ZNF583: variants seen among roughly 807,000 people sequenced by gnomAD.
ZNF583 encodes the protein zinc finger protein L3-5.
In ZNF583, 30 loss-of-function variants were observed where a neutral mutation model predicts 55.3. That is an observed-to-expected ratio of 0.54 (90% CI 0.41 to 0.74). ZNF583 has a LOEUF of 0.74. ZNF583 is among the 30% of genes least tolerant of loss of function. ZNF583 has a pLI of 0.00. For synonymous variants in ZNF583, 208 were observed against 220.0 expected (o/e 0.95, Z 0.48); for missense variants, 504 against 664.7 (o/e 0.76, Z 2.66).
intron 1 of ZNF583, among the ~76,000 whole-genome samples, chr19:56,406,788 A>G (rs968406303): frequency 6.6e-6 from 1 of 152,066 alleles, no homozygotes; most frequent in Non-Finnish European, 1.5e-5. Context: ...CGGCCTCCCA[A>G]AGTGCTGGGA....
chr19:56,412,249 A>G (rs1490613736), intron 2 of ZNF583, among the ~76,000 whole-genome samples: 1 of 152,246 alleles, frequency 6.6e-6, no homozygotes, highest in Non-Finnish European at 1.5e-5. Flanking sequence ...CCAGCTTAAG[A>G]GCAGGCTCTG....
At chr19:56,408,578 G>A (rs1047374894) in intron 2 of ZNF583, among the ~76,000 whole-genome samples, 5 of 152,280 alleles carry the variant, frequency 3.3e-5, no homozygotes, top group African/African-American at 1.2e-4. Flanking sequence ...TACAGATGAA[G>A]AAAAAGAGGC....
intron 4 of ZNF583, among the ~76,000 whole-genome samples, chr19:56,415,861 C>T (rs993800444): frequency 2.0e-5 from 3 of 152,144 alleles, no homozygotes; most frequent in Non-Finnish European, 4.4e-5. Flanking sequence ...CCACTGCCCC[C>T]AGCCTGTCTT....
intron 2 of ZNF583, among the ~76,000 whole-genome samples, chr19:56,409,945 T>C (rs1437533870): frequency 1.3e-5 from 2 of 152,152 alleles, no homozygotes; most frequent in Non-Finnish European, 2.9e-5. Context: ...TTTTAGTGGC[T>C]TTTCTAAGAT....
intron 2 of ZNF583, among the ~76,000 whole-genome samples, chr19:56,408,016 AT>A (rs2042180511): frequency 6.6e-6 from 1 of 152,184 alleles, no homozygotes; most frequent in Admixed American, 6.6e-5. Flanking sequence ...ATAAATAAAA[AT>A]AAACACCTTG....
chr19:56,414,335 T>C lies in ZNF583; in HGVS notation c.137-10T>C, dbSNP rs1425661934. ...ACCTGCCTAATTCCCCTTTTGTTTT[T>C]TGTAAGCAGGAGTTTCTGTTTCTAA... On this transcript the variant is annotated splice_polypyrimidine_tract_variant and intron_variant, in intron 3 of 4. Coordinates refer to ENST00000333201, the MANE Select transcript of ZNF583 (RefSeq NM_152478.3). The C allele has an allele frequency of 6.2e-7, 1 of 1,613,922 alleles. No homozygotes were observed. Among genetic ancestry groups the C allele is most frequent in the East Asian group, 2.2e-5 (1 of 44,890 alleles).
Position 56,407,089 on chromosome 19 carries a change from T to C in ZNF583, c.-26T>C. 2 of 1,614,104 alleles carry C rather than the reference T, an allele frequency of 1.2e-6. No individual in the cohort carries two copies. The highest frequency in any genetic ancestry group is 1.7e-5 in the Admixed American group (1 of 60,026). ...AGCTGAAGGAGTAGGACAGAAGAAC[T>C]GTCAAATTCTGGAATCCTTAAAGCC... On this transcript the variant is annotated 5_prime_UTR_variant, in exon 2 of 5. Coordinates refer to ENST00000333201, the MANE Select transcript of ZNF583 (RefSeq NM_152478.3).
intron 4 of ZNF583, among the ~76,000 whole-genome samples, chr19:56,416,237 A>C (rs1417196308): frequency 2.0e-5 from 3 of 151,272 alleles, no homozygotes; most frequent in African/African-American, 7.3e-5. Flanking sequence ...GAGGCAGAGA[A>C]TCACTTGAAC....
chr19:56,409,546 G>A (rs1329520307), intron 2 of ZNF583, among the ~76,000 whole-genome samples: 5 of 152,072 alleles, frequency 3.3e-5, no homozygotes, highest in Non-Finnish European at 5.9e-5. Flanking sequence ...ATTTTGCCCA[G>A]GCTGGTTTTG....
At chr19:56,407,715 C>G (rs2042176850) in intron 2 of ZNF583, among the ~76,000 whole-genome samples, 1 of 152,024 alleles carries the variant, frequency 6.6e-6, no homozygotes, top group Non-Finnish European at 1.5e-5. Flanking sequence ...TCTGAGTGTC[C>G]ACAGCTATGT....
intron 4 of ZNF583, among the ~76,000 whole-genome samples, chr19:56,420,292 C>T (rs188113064): frequency 2.0e-3 from 310 of 152,254 alleles, no homozygotes; most frequent in African/African-American, 6.1e-3. Context: ...AGAGCATACT[C>T]ATCTTGGTTT....
In ZNF583 at chr19:56,425,549, T is replaced by A. The variant is rs1194673710; in HGVS notation, c.*1181T>A. 1 of 152,146 alleles carries A rather than the reference T, an allele frequency of 6.6e-6. No homozygotes were observed. The highest frequency in any genetic ancestry group is 1.5e-5 in the Non-Finnish European group (1 of 68,036). The allele number at this position is 152,146 out of a possible 1,614,324, so 9.4% of individuals were successfully genotyped here. On this transcript the variant is annotated 3_prime_UTR_variant, in exon 5 of 5. Transcript: ENST00000333201. Reference sequence around the variant, plus strand: ...TAATAAGACAGTTTACTGAGATGTATTCATCATTTACATGTAAACAAAGGC... The same window carrying A: ...TAATAAGACAGTTTACTGAGATGTAATCATCATTTACATGTAAACAAAGGC...
chr19:56,406,757 G>A (rs1280156571), intron 1 of ZNF583, among the ~76,000 whole-genome samples: 1 of 152,104 alleles, frequency 6.6e-6, no homozygotes, highest in African/African-American at 2.4e-5. Flanking sequence ...TCGATCTCCT[G>A]ACTTCGTGAT....
rs141489202 is a variant in ZNF583 at position 56,417,869 on chromosome 19, G to C, written c.232+3429G>C. On this transcript the variant is annotated intron_variant, in intron 4 of 4. Coordinates refer to ENST00000333201, the MANE Select transcript of ZNF583 (RefSeq NM_152478.3). Reference sequence around the variant, plus strand: ...ATTTTTTTTTCCATATGGATATACAGTTGCCCCAAGACCCTTTGTCAGGAA... The same window carrying C: ...ATTTTTTTTTCCATATGGATATACACTTGCCCCAAGACCCTTTGTCAGGAA... 3.7e-3 allele frequency among the ~76,000 whole-genome samples: 565 copies of C among 152,178 alleles called. 2 individuals are homozygous for C. The highest frequency in any genetic ancestry group is 6.0e-3 in the Non-Finnish European group (407 of 68,000).
At chr19:56,408,230 C>T (rs966768269) in intron 2 of ZNF583, among the ~76,000 whole-genome samples, 1 of 152,048 alleles carries the variant, frequency 6.6e-6, no homozygotes, top group African/African-American at 2.4e-5. Flanking sequence ...TATATACACA[C>T]ACACACCTCT....
At chr19:56,410,776 G>A (rs1441872404) in intron 2 of ZNF583, among the ~76,000 whole-genome samples, 2 of 152,094 alleles carry the variant, frequency 1.3e-5, no homozygotes, top group African/African-American at 4.8e-5. Context: ...TAGTAAATAA[G>A]ATAGGGCATA....
chr19:56,413,387 T>C (rs1318782631), intron 2 of ZNF583, among the ~76,000 whole-genome samples: 2 of 152,226 alleles, frequency 1.3e-5, no homozygotes, highest in Admixed American at 6.5e-5. Flanking sequence ...TTTTTGCAAG[T>C]CAGTATATAA....
intron 4 of ZNF583, among the ~76,000 whole-genome samples, chr19:56,416,183 AG>A (rs1370998035): frequency 6.6e-6 from 1 of 151,782 alleles, no homozygotes; most frequent in Non-Finnish European, 1.5e-5. Flanking sequence ...AAAATTAGCC[AG>A]GTGTGGTGGC....
At chr19:56,405,291 T>C (rs766775281) in intron 1 of ZNF583, among the ~76,000 whole-genome samples, 1 of 152,182 alleles carries the variant, frequency 6.6e-6, no homozygotes, top group Non-Finnish European at 1.5e-5. Flanking sequence ...CTGTATGTCA[T>C]CCCGACAGTG....
Sources: allele counts gnomAD v4.1 joint callset (sites outside exome capture counted in the v4.1 genomes callset), GRCh38; gene constraint gnomAD v4.1.1; transcripts MANE v1.5; gene names NCBI Gene and HGNC (gene_info 2026-07-23, HGNC 2026-07-21).